Variants in BBS9 observed in about 807,000 individuals in gnomAD.
The protein encoded by BBS9 is protein PTHB1.
BBS9 carries 89 observed loss-of-function variants against 117.7 expected under a neutral mutation model. The ratio of observed to expected loss-of-function variants is 0.76; its 90% CI spans 0.64 to 0.90. The LOEUF (loss-of-function observed/expected upper bound fraction) is 0.90. Among genes scored for constraint, BBS9 ranks in the 40% least tolerant of loss-of-function variants. The probability of loss-of-function intolerance (pLI) is 0.00; values close to 1 mark genes in which losing one functional copy is unlikely to be tolerated. For synonymous variants in BBS9, 379 were observed against 370.9 expected, an observed-to-expected ratio of 1.02 and a Z score of -0.25; for missense variants, 982 against 1,042.2, an observed-to-expected ratio of 0.94 and a Z score of 0.80.
At chr7:33,596,588 A>G (rs1862854940) in intron 21 of BBS9, among the ~76,000 whole-genome samples, 1 of 152,004 alleles carries the variant, frequency 6.6e-6, no homozygotes. Context: ...TTTTGTCTCC[A>G]TTGTACCCCT....
chr7:33,613,678 C>T (rs1477008723), intron 21 of BBS9, among the ~76,000 whole-genome samples: 1 of 151,618 alleles, frequency 6.6e-6, no homozygotes, highest in Non-Finnish European at 1.5e-5. Flanking sequence ...GCAACATACA[C>T]GAAAAAAAAT....
intron 20 of BBS9, among the ~76,000 whole-genome samples, chr7:33,527,549 G>C (rs926973250): frequency 2.6e-5 from 4 of 152,226 alleles, no homozygotes; most frequent in African/African-American, 9.6e-5. Context: ...ACTCGGAAAG[G>C]GAACTCCCTG....
chr7:33,320,676 A>G (rs1451297150), intron 9 of BBS9, among the ~76,000 whole-genome samples: 1 of 152,130 alleles, frequency 6.6e-6, no homozygotes, highest in Non-Finnish European at 1.5e-5. Context: ...ACTGCTCTTC[A>G]TAGTGGTTGT....
chr7:33,223,023 A>G (rs1287284891), intron 5 of BBS9, among the ~76,000 whole-genome samples: 2 of 151,838 alleles, frequency 1.3e-5, no homozygotes, highest in African/African-American at 4.8e-5. Flanking sequence ...CAGGGTTTAT[A>G]TAAGGTTCTG....
chr7:33,316,607 G>T (rs1038760384), intron 9 of BBS9, among the ~76,000 whole-genome samples: 1 of 152,108 alleles, frequency 6.6e-6, no homozygotes, highest in African/African-American at 2.4e-5. Flanking sequence ...TATGGTGCTA[G>T]CTACTTGTGA....
At chr7:33,302,822 A>T (rs1399836925) in intron 9 of BBS9, among the ~76,000 whole-genome samples, 1 of 152,120 alleles carries the variant, frequency 6.6e-6, no homozygotes, top group Non-Finnish European at 1.5e-5. Flanking sequence ...GAAGAATGTC[A>T]TTGGTATTTT....
Position 33,524,440 on chromosome 7 carries a change from T to C in BBS9, c.2299-9514T>C, listed in dbSNP as rs1274740046. On this transcript the variant is annotated intron_variant, in intron 20 of 22. Coordinates refer to ENST00000242067, the MANE Select transcript of BBS9 (RefSeq NM_198428.3). ...CACAATTTCAGCTCCTGTTATTGGT[T>C]TATTCAGAGATTCAACTTCTTCCTG... Among the ~76,000 whole-genome samples, 17 of 152,276 alleles carry C rather than the reference T, an allele frequency of 1.1e-4. 1 individual carries two copies. In the South Asian group the frequency reaches 3.3e-3, roughly 30 times the overall value.
chr7:33,373,181 C>G (rs1823182003), intron 17 of BBS9, among the ~76,000 whole-genome samples: 1 of 152,134 alleles, frequency 6.6e-6, no homozygotes, highest in South Asian at 2.1e-4. Context: ...TCAGACAAAG[C>G]ATTGTGGAAT....
At chr7:33,417,486 A>G (rs912761956) in intron 19 of BBS9, among the ~76,000 whole-genome samples, 1 of 152,350 alleles carries the variant, frequency 6.6e-6, no homozygotes, top group Non-Finnish European at 1.5e-5. Context: ...CTGTCATTCA[A>G]TGCAATCTAA....
At chr7:33,246,356 GT>G (rs1259080831) in intron 5 of BBS9, among the ~76,000 whole-genome samples, 3 of 151,278 alleles carry the variant, frequency 2.0e-5, no homozygotes, top group Non-Finnish European at 4.4e-5. Flanking sequence ...GTAAACTAAG[GT>G]TTTTTTCTTG....
intron 5 of BBS9, among the ~76,000 whole-genome samples, chr7:33,252,575 G>A (rs976302628): frequency 6.6e-6 from 1 of 152,026 alleles, no homozygotes; most frequent in Non-Finnish European, 1.5e-5. Context: ...GTGCTGGTCT[G>A]GGGGCCACAT....
At chr7:33,170,604 G>A (rs1183103169) in intron 4 of BBS9, among the ~76,000 whole-genome samples, 4 of 151,378 alleles carry the variant, frequency 2.6e-5, no homozygotes, top group African/African-American at 7.3e-5. Context: ...TCTGGCCAGG[G>A]CAATTAGGCA....
chr7:33,216,123 C>T (rs907723650), intron 5 of BBS9, among the ~76,000 whole-genome samples: 4 of 152,186 alleles, frequency 2.6e-5, no homozygotes. Context: ...CAAGGCAATG[C>T]ATATTTCTGA....
rs983393671 is a variant in BBS9 at position 33,518,031 on chromosome 7, T to C, written c.2298+12386T>C. Among the ~76,000 whole-genome samples the C allele has an allele frequency of 3.9e-5, 6 of 152,304 alleles. No homozygotes were observed. In the South Asian group the frequency reaches 1.0e-3, roughly 26 times the overall value. Reference sequence around the variant, plus strand: ...AAACTCAAGCTATATAATTAATTTTTGTACAAAACTGTTGGGGAAGTTTTA... The same window carrying C: ...AAACTCAAGCTATATAATTAATTTTCGTACAAAACTGTTGGGGAAGTTTTA... On this transcript the variant is annotated intron_variant, in intron 20 of 22. Coordinates refer to ENST00000242067, the MANE Select transcript of BBS9 (RefSeq NM_198428.3).
chr7:33,212,447 G>A (rs560582532), intron 5 of BBS9, among the ~76,000 whole-genome samples: 2 of 152,164 alleles, frequency 1.3e-5, no homozygotes, highest in African/African-American at 4.8e-5. Context: ...ACATTTATCT[G>A]ATCGGATTCT....
intron 9 of BBS9, among the ~76,000 whole-genome samples, chr7:33,313,038 T>G (rs200541064): frequency 1.5e-5 from 1 of 66,046 alleles, no homozygotes; most frequent in African/African-American, 7.1e-5. Context: ...TACTCTGTGG[T>G]GTGTGTGTGT....
chr7:33,622,571 T>C (rs1279562736), intron 21 of BBS9, among the ~76,000 whole-genome samples: 1 of 152,202 alleles, frequency 6.6e-6, no homozygotes, highest in Non-Finnish European at 1.5e-5. Context: ...ATATACAATT[T>C]TTATTTGTCA....
intron 4 of BBS9, among the ~76,000 whole-genome samples, chr7:33,160,613 ATCT>A (rs1400434734): frequency 2.6e-5 from 4 of 152,198 alleles, no homozygotes; most frequent in African/African-American, 9.7e-5. Flanking sequence ...CATGGATACC[ATCT>A]TCTTCTGGGG....
At chr7:33,189,684 A>G (rs866444362) in intron 5 of BBS9, among the ~76,000 whole-genome samples, 14 of 151,746 alleles carry the variant, frequency 9.2e-5, no homozygotes, top group South Asian at 2.1e-4. Flanking sequence ...TCAGGAGATC[A>G]AGACCATCCT....
Sources: allele counts gnomAD v4.1 joint callset (sites outside exome capture counted in the v4.1 genomes callset), GRCh38; gene constraint gnomAD v4.1.1; transcripts MANE v1.5; gene names NCBI Gene and HGNC (gene_info 2026-07-23, HGNC 2026-07-21).